Variants in SOX5 observed in about 807,000 individuals in gnomAD.
SOX5 encodes the protein transcription factor SOX-5.
In SOX5, 9 loss-of-function variants were observed where a neutral mutation model predicts 92.0. The ratio of observed to expected loss-of-function variants is 0.10; its 90% CI spans 0.06 to 0.17. The LOEUF is 0.17. Ranked by LOEUF, SOX5 falls within the 10% of genes least tolerant of loss-of-function variation. SOX5 has a pLI of 1.00. For missense variants in SOX5, 642 were observed against 944.5 expected (o/e 0.68, Z 4.20); for synonymous variants, 344 against 336.3 (o/e 1.02, Z -0.25).
chr12:23,902,060 G>C (rs1445418445), intron 1 of SOX5, among the ~76,000 whole-genome samples: 1 of 152,028 alleles, frequency 6.6e-6, no homozygotes, highest in Non-Finnish European at 1.5e-5. Flanking sequence ...GTAAGTAAAA[G>C]ATTATAAGAG....
At chr12:23,689,929 T>G (rs551684533) in intron 6 of SOX5, among the ~76,000 whole-genome samples, 9 of 152,340 alleles carry the variant, frequency 5.9e-5, no homozygotes, top group Admixed American at 1.3e-4. Context: ...CAGATTCGCA[T>G]ATATACATCC....
intron 1 of SOX5, among the ~76,000 whole-genome samples, chr12:24,522,043 C>T (rs1597565345): frequency 6.6e-6 from 1 of 150,614 alleles, no homozygotes; most frequent in South Asian, 2.1e-4. Flanking sequence ...CTTAGATACA[C>T]CAAGAAAAAG....
At chr12:23,649,584 A>G (rs189830806) in intron 7 of SOX5, among the ~76,000 whole-genome samples, 14 of 152,270 alleles carry the variant, frequency 9.2e-5, no homozygotes, top group South Asian at 2.1e-4. Context: ...AAGACCAAGC[A>G]TGGAAATTCT....
At chr12:24,087,598 G>A (rs971132310) in intron 4 of SOX5, among the ~76,000 whole-genome samples, 1 of 152,026 alleles carries the variant, frequency 6.6e-6, no homozygotes, top group African/African-American at 2.4e-5. Flanking sequence ...TCATTTTGCT[G>A]AGAGCAAATA....
chr12:24,401,587 G>A (rs1254855637), intron 1 of SOX5, among the ~76,000 whole-genome samples: 7 of 151,422 alleles, frequency 4.6e-5, no homozygotes, highest in Non-Finnish European at 1.0e-4. Context: ...GCATATGCCT[G>A]TAGTCTCTGC....
intron 4 of SOX5, among the ~76,000 whole-genome samples, chr12:24,170,954 A>G (rs1274609655): frequency 3.3e-5 from 5 of 152,306 alleles, no homozygotes; most frequent in African/African-American, 1.2e-4. Context: ...AATGTGGCTT[A>G]GCAAATAGCT....
chr12:23,906,431 T>C (rs2097293964), intron 1 of SOX5, among the ~76,000 whole-genome samples: 1 of 152,244 alleles, frequency 6.6e-6, no homozygotes, highest in Admixed American at 6.5e-5. Flanking sequence ...TACATCAAAA[T>C]TGTGACTGCA....
At position 23,762,741 on chromosome 12, in the gene SOX5, G is replaced by T. The variant is rs567894100; in HGVS notation, c.482-7017C>A. On this transcript the variant is annotated intron_variant, in intron 3 of 14. Transcript: ENST00000451604. ...TTTTCTTGTTGCATCAGCTGAACCTGCTCAATTATAATTGGTTTTATATCA... is the reference window on the plus strand; with the variant it reads ...TTTTCTTGTTGCATCAGCTGAACCTTCTCAATTATAATTGGTTTTATATCA... The T allele has an allele frequency of 2.6e-5, 11 of 419,638 alleles. No individual in the cohort carries two copies. The South Asian group carries it at 6.0e-4, about 23-fold the overall frequency. The allele number at this position is 419,638 out of a possible 1,614,324, so 26.0% of individuals were successfully genotyped here.
At chr12:23,715,923 A>G (rs1216168414) in intron 6 of SOX5, among the ~76,000 whole-genome samples, 1 of 152,148 alleles carries the variant, frequency 6.6e-6, no homozygotes, top group Non-Finnish European at 1.5e-5. Flanking sequence ...ATCATTAGTA[A>G]TAAATCTTAT....
chr12:24,516,638 C>T (rs565790812), intron 1 of SOX5, among the ~76,000 whole-genome samples: 2 of 152,272 alleles, frequency 1.3e-5, no homozygotes, highest in African/African-American at 4.8e-5. Context: ...TATAGTCACA[C>T]TTTTATTTAA....
At chr12:23,974,217 C>A (rs1236951613) in intron 4 of SOX5, among the ~76,000 whole-genome samples, 1 of 152,072 alleles carries the variant, frequency 6.6e-6, no homozygotes, top group African/African-American at 2.4e-5. Flanking sequence ...CAAAGCAAAA[C>A]CACGGAACAG....
intron 2 of SOX5, among the ~76,000 whole-genome samples, chr12:23,850,369 C>T (rs1163546597): frequency 6.7e-6 from 1 of 149,914 alleles, no homozygotes; most frequent in East Asian, 2.0e-4. Context: ...GTGGAGATTG[C>T]AGAGAGCCAA....
intron 1 of SOX5, among the ~76,000 whole-genome samples, chr12:23,902,214 A>G (rs2097241984): frequency 6.6e-6 from 1 of 152,186 alleles, no homozygotes; most frequent in South Asian, 2.1e-4. Context: ...TGACATGTAC[A>G]GAGTTAAAGA....
rs5797065 is a variant in SOX5, at chr12:24,178,244, C to CT, written c.-2+35098dup. ...TTAGAGTAACAAAACAAGAGCTTGA[C>CT]TTTTTTTTTTTTTTTTTTTTTCCCA... On this transcript the variant is annotated intron_variant, in intron 4 of 4. Coordinates refer to the SOX5 transcript ENST00000446891. Among the ~76,000 whole-genome samples the CT allele has an allele frequency of 6.1e-3, 668 of 109,512 alleles. 11 individuals are homozygous for CT. Among genetic ancestry groups the CT allele is most frequent in the Admixed American group, 0.031 (330 of 10,770 alleles). 71.8% of individuals were successfully genotyped at this position (109,512 alleles called of 152,430 possible).
At chr12:24,343,508 A>T (rs545831687) in intron 2 of SOX5, among the ~76,000 whole-genome samples, 1 of 151,716 alleles carries the variant, frequency 6.6e-6, no homozygotes, top group South Asian at 2.1e-4. Flanking sequence ...ACATAAATAT[A>T]AAGTATATTA....
intron 3 of SOX5, among the ~76,000 whole-genome samples, chr12:23,816,986 T>C (rs537044618): frequency 6.6e-6 from 1 of 152,198 alleles, no homozygotes; most frequent in Non-Finnish European, 1.5e-5. Flanking sequence ...AAATATAGAT[T>C]ACATTTTAAG....
intron 8 of SOX5, among the ~76,000 whole-genome samples, chr12:23,627,204 C>T (rs2077940452): frequency 1.3e-5 from 2 of 152,062 alleles, no homozygotes; most frequent in South Asian, 4.1e-4. Flanking sequence ...GCTCTAGTAA[C>T]TTTTACGGAA....
intron 4 of SOX5, among the ~76,000 whole-genome samples, chr12:24,058,633 G>C (rs967773004): frequency 4.6e-5 from 7 of 152,098 alleles, no homozygotes; most frequent in Non-Finnish European, 8.8e-5. Context: ...TAAGTATAGA[G>C]GAAATAGTTA....
At chr12:23,831,117 C>T (rs2096310205) in intron 3 of SOX5, among the ~76,000 whole-genome samples, 1 of 152,044 alleles carries the variant, frequency 6.6e-6, no homozygotes, top group South Asian at 2.1e-4. Flanking sequence ...ATCTAATGGT[C>T]TTATAGGTCA....
Sources: allele counts gnomAD v4.1 joint callset (sites outside exome capture counted in the v4.1 genomes callset), GRCh38; gene constraint gnomAD v4.1.1; transcripts MANE v1.5; gene names NCBI Gene and HGNC (gene_info 2026-07-23, HGNC 2026-07-21).